Variants in SCN8A observed in about 807,000 individuals in gnomAD.
The protein encoded by SCN8A is sodium channel protein type 8 subunit alpha.
SCN8A carries 30 observed loss-of-function variants against 184.1 expected under a neutral mutation model. The ratio of observed to expected loss-of-function variants is 0.16; its 90% CI spans 0.12 to 0.22. The LOEUF (loss-of-function observed/expected upper bound fraction) is 0.22. Among genes scored for constraint, SCN8A ranks in the 10% least tolerant of loss-of-function variants. The probability of loss-of-function intolerance (pLI) is 1.00; values close to 1 mark genes in which losing one functional copy is unlikely to be tolerated. For missense variants in SCN8A, 1,057 were observed against 2,498.9 expected (o/e 0.42, Z 12.30); for synonymous variants, 852 against 907.0 (o/e 0.94, Z 1.09).
chr12:51,681,647 A>G (rs1957897783), intron 2 of SCN8A, among the ~76,000 whole-genome samples: 1 of 152,176 alleles, frequency 6.6e-6, no homozygotes, highest in African/African-American at 2.4e-5. Flanking sequence ...AGCATATCCC[A>G]CCAGAACCAG....
At chr12:51,679,155 C>G (rs934062121) in intron 2 of SCN8A, among the ~76,000 whole-genome samples, 1 of 152,076 alleles carries the variant, frequency 6.6e-6, no homozygotes, top group African/African-American at 2.4e-5. Flanking sequence ...ATAATCCCAG[C>G]ACTTTGGGAG....
At chr12:51,679,951 G>A (rs1451489100) in intron 2 of SCN8A, among the ~76,000 whole-genome samples, 1 of 151,896 alleles carries the variant, frequency 6.6e-6, no homozygotes, top group Non-Finnish European at 1.5e-5. Flanking sequence ...GTCTTGAACC[G>A]CTGACCTCGT....
chr12:51,695,977 A>C (rs929368016), intron 6 of SCN8A, among the ~76,000 whole-genome samples: 2 of 152,232 alleles, frequency 1.3e-5, no homozygotes, highest in Non-Finnish European at 2.9e-5. Context: ...TGGAACTGTC[A>C]AAGAGCTCCC....
At chr12:51,605,673 G>A (rs1939574324) in intron 1 of SCN8A, among the ~76,000 whole-genome samples, 1 of 152,194 alleles carries the variant, frequency 6.6e-6, no homozygotes, top group Non-Finnish European at 1.5e-5. Flanking sequence ...TCTCCACACT[G>A]TTTTCCATAG....
intron 12 of SCN8A, among the ~76,000 whole-genome samples, chr12:51,737,908 A>G (rs981601064): frequency 4.6e-5 from 7 of 152,200 alleles, no homozygotes; most frequent in Non-Finnish European, 1.5e-5. Flanking sequence ...AAACTGGAGA[A>G]TTCCAAGGGG....
At position 51,751,525 on chromosome 12, in the gene SCN8A, C is replaced by T. The variant is rs1942595336; in HGVS notation, c.2302C>T (p.Leu768=). ...AITICIVLNT[L]FMAMEHHPMT... ...CACCATCTGCATCGTCCTGAATACA[C>T]TGTTTATGGCAATGGAGCACCATCC... Residue 768 remains leucine (L), a synonymous_variant, in exon 14 of 27, where the codon CTG becomes TTG. Transcript: ENST00000627620. 1 of 1,613,918 alleles carries T rather than the reference C, an allele frequency of 6.2e-7. No individual in the cohort carries two copies. Among genetic ancestry groups the T allele is most frequent in the Middle Eastern group, 1.6e-4 (1 of 6,062 alleles).
Position 51,806,212 on chromosome 12 carries a change from A to G in SCN8A, c.4796-70A>G. 1.4e-6 allele frequency: 2 copies of G among 1,392,920 alleles called. No homozygotes were observed. The highest frequency in any genetic ancestry group is 2.4e-5 in the Admixed American group (1 of 41,766). 86.3% of individuals were successfully genotyped at this position (1,392,920 alleles called of 1,614,324 possible). A position where few individuals can be genotyped will look rare whatever the true frequency, so the allele number is the denominator to read the frequency against. ...TTGAACCTAAGGGTTCCACAATGCC[A>G]GGTAAAAAAAATAAAGAGAAAGGGT... On this transcript the variant is annotated intron_variant, in intron 26 of 26. Coordinates refer to ENST00000627620, the MANE Select transcript of SCN8A (RefSeq NM_001330260.2). The surrounding 1 kb of genome is among the most constrained non-coding windows in gnomAD (Gnocchi z 8.7).
At chr12:51,648,741 G>A (rs965087258) in intron 1 of SCN8A, among the ~76,000 whole-genome samples, 1 of 152,146 alleles carries the variant, frequency 6.6e-6, no homozygotes. Context: ...CACAACACGT[G>A]GGAATCATGG....
intron 11 of SCN8A, among the ~76,000 whole-genome samples, chr12:51,710,416 G>A (rs1489207661): frequency 6.6e-6 from 1 of 152,102 alleles, no homozygotes; most frequent in Non-Finnish European, 1.5e-5. Flanking sequence ...TGTAATCCCA[G>A]CACTTTGGGA....
At chr12:51,749,007 G>A (rs1054485986) in intron 13 of SCN8A, among the ~76,000 whole-genome samples, 1 of 152,144 alleles carries the variant, frequency 6.6e-6, no homozygotes, top group South Asian at 2.1e-4. Context: ...ATGTCCAAAA[G>A]CAAAGTAAGA....
At chr12:51,790,352 G>A (rs1938212414) in intron 24 of SCN8A, 46 bp from the exon 25 acceptor site, 1 of 1,397,750 alleles carries the variant, frequency 7.2e-7, no homozygotes, top group Non-Finnish European at 1.0e-6. Context: ...CCCATAGCAT[G>A]TTGAGAGCCA....
In SCN8A at chr12:51,640,094, T is replaced by A. The variant is rs564244842; in HGVS notation, c.-54-22670T>A. The stretch of plus-strand genomic sequence containing the variant: ...AATTTTTTTTAAGTTTTTTTTTTTT[T>A]AAAACACAGGATCTCACTGTTGCCC... On this transcript the variant is annotated intron_variant, in intron 1 of 26. Coordinates refer to ENST00000627620, the MANE Select transcript of SCN8A (RefSeq NM_001330260.2). 8.6e-4 allele frequency among the ~76,000 whole-genome samples: 128 copies of A among 148,056 alleles called. No homozygotes were observed. The Middle Eastern group carries it at 0.02, about 24-fold the overall frequency.
In SCN8A at chr12:51,683,965, G is replaced by A. The variant is rs966012326; in HGVS notation, c.277-209G>A. Among the ~76,000 whole-genome samples, 3 of 152,176 alleles carry A rather than the reference G, an allele frequency of 2.0e-5. No individual in the cohort carries two copies. The East Asian group carries it at 5.8e-4, about 29-fold the overall frequency. On this transcript the variant is annotated intron_variant, in intron 2 of 26. Transcript: ENST00000627620. Reference sequence around the variant, plus strand: ...TTTATTCTGTAAAACTGCCAAGATTGCATCAGCTATTTGTATTATAATCTG... The same window carrying A: ...TTTATTCTGTAAAACTGCCAAGATTACATCAGCTATTTGTATTATAATCTG...
chr12:51,668,048 T>A (rs1272525502), intron 2 of SCN8A, among the ~76,000 whole-genome samples: 22 of 151,944 alleles, frequency 1.4e-4, no homozygotes, highest in Non-Finnish European at 1.5e-5. Flanking sequence ...CCAGGTGTGG[T>A]GGTGCATGCC....
intron 20 of SCN8A, among the ~76,000 whole-genome samples, chr12:51,779,506 A>T (rs1937828558): frequency 6.6e-6 from 1 of 152,208 alleles, no homozygotes; most frequent in Non-Finnish European, 1.5e-5. Context: ...CAACATATTC[A>T]ACTCTGGATT....
intron 13 of SCN8A, among the ~76,000 whole-genome samples, chr12:51,749,439 A>G (rs1942562705): frequency 6.6e-6 from 1 of 152,342 alleles, no homozygotes; most frequent in Non-Finnish European, 1.5e-5. Flanking sequence ...TCGTTTGGAG[A>G]AGGGAGGAGA....
intron 26 of SCN8A, among the ~76,000 whole-genome samples, chr12:51,803,346 C>T (rs1384240850): frequency 6.6e-6 from 1 of 151,902 alleles, no homozygotes; most frequent in Admixed American, 6.6e-5. Flanking sequence ...TTTTTCTAGC[C>T]GAGTTGGCAG....
chr12:51,751,628 G>A lies in SCN8A; in HGVS notation c.2370+35G>A, dbSNP rs142420390. ...AACACTGTCTCCCGATATTAGGATT[G>A]GAATGTGTTTTGCCTGTAGGATATC... On this transcript the variant is annotated intron_variant, in intron 14 of 26. Transcript: ENST00000627620. 79 of 1,502,234 alleles carry A rather than the reference G, an allele frequency of 5.3e-5. No homozygotes were observed. In the East Asian group the frequency reaches 9.5e-4, roughly 18 times the overall value. 93.1% of individuals were successfully genotyped at this position (1,502,234 alleles called of 1,614,324 possible).
intron 2 of SCN8A, among the ~76,000 whole-genome samples, 175 bp downstream of exon 2, chr12:51,663,268 G>C (rs1440916156): frequency 1.3e-5 from 2 of 152,218 alleles, no homozygotes; most frequent in East Asian, 3.9e-4. Flanking sequence ...GGTCATTTGT[G>C]GTCTTGGCAC....
Sources: allele counts gnomAD v4.1 joint callset (sites outside exome capture counted in the v4.1 genomes callset), GRCh38; gene constraint gnomAD v4.1.1; non-coding constraint Gnocchi (gnomAD v3.1); transcripts MANE v1.5; gene names NCBI Gene and HGNC (gene_info 2026-07-23, HGNC 2026-07-21).